The following TASP1 variants were observed in gnomAD, a reference collection of about 807,000 sequenced individuals.
TASP1 encodes taspase 1, also known as threonine aspartase 1.
A neutral mutation model predicts 56.6 loss-of-function variants in TASP1; 16 were observed. The ratio of observed to expected loss-of-function variants is 0.28; its 90% confidence interval spans 0.19 to 0.43. The LOEUF (loss-of-function observed/expected upper bound fraction) is 0.43. Among genes scored for constraint, TASP1 ranks in the 20% least tolerant of loss-of-function variants. The pLI, the probability that TASP1 is intolerant of heterozygous loss-of-function variation, is 1.00. For synonymous variants in TASP1, 179 were observed against 184.2 expected, an observed-to-expected ratio of 0.97 and a Z score of 0.23; for missense variants, 393 against 511.6, an observed-to-expected ratio of 0.77 and a Z score of 2.24.
chr20:13,515,319 A>T (rs1185700798), intron 10 of TASP1, among the ~76,000 whole-genome samples: 2 of 152,096 alleles, frequency 1.3e-5, no homozygotes, highest in Non-Finnish European at 2.9e-5. Flanking sequence ...TTAGCTTTAG[A>T]TGCACCAAAA....
At chr20:13,130,102 C>A in the TASP1 span, among the ~76,000 whole-genome samples, 1 of 152,164 alleles carries the variant, frequency 6.6e-6, no homozygotes, top group Non-Finnish European at 1.5e-5. Context: ...GGTAGTTCTG[C>A]CTGACACATC....
At chr20:13,216,323 G>C in the TASP1 span, among the ~76,000 whole-genome samples, 1 of 152,194 alleles carries the variant, frequency 6.6e-6, no homozygotes, top group Non-Finnish European at 1.5e-5. Context: ...AAAATAGTAA[G>C]TGAAGTCCAT....
At chr20:13,630,191 C>A in intron 1 of TASP1, 39 bp from the exon 2 acceptor site, 1 of 1,116,340 alleles carries the variant, frequency 9.0e-7, no homozygotes, top group East Asian at 2.7e-5. Context: ...CATTTCTTTC[C>A]ACCAACACAT....
the TASP1 span, among the ~76,000 whole-genome samples, chr20:13,336,651 T>C: frequency 3.9e-4 from 59 of 152,352 alleles, no homozygotes; most frequent in Non-Finnish European, 6.3e-4. Context: ...TTTTTTCCTG[T>C]TCTTTGTAAA....
chr20:13,422,998 C>T (rs932092225), intron 12 of TASP1, among the ~76,000 whole-genome samples: 4 of 152,116 alleles, frequency 2.6e-5, no homozygotes, highest in African/African-American at 9.7e-5. Flanking sequence ...CACTCTTTGA[C>T]CTAGCAATTC....
At chr20:13,392,939 A>T in intron 13 of TASP1, 2 of 620,646 alleles carry the variant, frequency 3.2e-6, no homozygotes, top group Non-Finnish European at 6.1e-6. Flanking sequence ...AAATGGGGCC[A>T]TGCTGGTGCT....
intron 4 of TASP1, among the ~76,000 whole-genome samples, chr20:13,618,247 TA>T (rs945515007): frequency 1.3e-5 from 2 of 151,782 alleles, no homozygotes; most frequent in African/African-American, 4.8e-5. Context: ...CCATCTCTAC[TA>T]AAAACACAAA....
the TASP1 span, among the ~76,000 whole-genome samples, chr20:13,123,008 G>A: frequency 6.6e-6 from 1 of 152,092 alleles, no homozygotes; most frequent in African/African-American, 2.4e-5. Context: ...CATGCTCCCA[G>A]TTCTAAGAAT....
At chr20:13,508,368 C>A (rs936495865) in intron 10 of TASP1, among the ~76,000 whole-genome samples, 1 of 151,990 alleles carries the variant, frequency 6.6e-6, no homozygotes, top group East Asian at 1.9e-4. Context: ...ATACCTAACC[C>A]AAAAATCTAA....
chr20:13,536,032 T>C (rs2045405004), intron 8 of TASP1, among the ~76,000 whole-genome samples: 1 of 152,224 alleles, frequency 6.6e-6, no homozygotes, highest in Non-Finnish European at 1.5e-5. Flanking sequence ...TGTTTTATAA[T>C]GCTAATAAAT....
At chr20:13,635,185 C>CGAAAAAAAA (rs1462169149) in intron 1 of TASP1, among the ~76,000 whole-genome samples, 1 of 151,366 alleles carries the variant, frequency 6.6e-6, no homozygotes, top group Non-Finnish European at 1.5e-5. Context: ...TTAAGCTGTT[C>CGAAAAAAAA]GAAAAAAAAG....
chr20:13,527,391 A>G (rs2045023886), intron 10 of TASP1, among the ~76,000 whole-genome samples: 1 of 152,152 alleles, frequency 6.6e-6, no homozygotes, highest in Non-Finnish European at 1.5e-5. Flanking sequence ...CTCCCGATAA[A>G]GTCTGATGCT....
chr20:13,394,393 G>A (rs1205765494), intron 13 of TASP1, among the ~76,000 whole-genome samples: 4 of 150,748 alleles, frequency 2.7e-5, no homozygotes, highest in Admixed American at 6.6e-5. Context: ...GGCGGATCAC[G>A]AGGTCAGGAG....
chr20:13,498,058 A>G (rs1392999864), intron 10 of TASP1, among the ~76,000 whole-genome samples: 8 of 152,162 alleles, frequency 5.3e-5, no homozygotes, highest in Admixed American at 5.2e-4. Context: ...CAGCCTTGGC[A>G]AAGAATATAT....
chr20:13,198,073 T>C, the TASP1 span, among the ~76,000 whole-genome samples: 194 of 152,286 alleles, frequency 1.3e-3, 1 homozygote, highest in Non-Finnish European at 3.7e-4. Flanking sequence ...CCAGTCTTTG[T>C]CAAATGCCTG....
the TASP1 span, among the ~76,000 whole-genome samples, chr20:13,315,580 T>C: frequency 6.6e-6 from 1 of 152,012 alleles, no homozygotes; most frequent in Non-Finnish European, 1.5e-5. Flanking sequence ...GAATCCATTA[T>C]CATAGTTACA....
At chr20:13,329,298 G>A in the TASP1 span, among the ~76,000 whole-genome samples, 1 of 152,184 alleles carries the variant, frequency 6.6e-6, no homozygotes, top group African/African-American at 2.4e-5. Flanking sequence ...TTAGAATGGT[G>A]TAATGCAATA....
intron 4 of TASP1, among the ~76,000 whole-genome samples, chr20:13,588,314 A>AAG (rs1568618395): frequency 4.3e-4 from 48 of 112,346 alleles, no homozygotes; most frequent in African/African-American, 1.4e-3. Context: ...AGGAAGAGAA[A>AAG]GAAAAGGAAG....
chr20:13,155,821 G>A, the TASP1 span, among the ~76,000 whole-genome samples: 1,205 of 152,152 alleles, frequency 7.9e-3, 41 homozygotes, highest in Admixed American at 0.064. Context: ...GCAAGACTCC[G>A]TCTAAAAAAA....
Sources: gnomAD v4.1 joint callset for allele counts (sites outside exome capture counted in the v4.1 genomes callset) on GRCh38, gnomAD v4.1.1 for gene constraint, MANE v1.5 for transcripts, NCBI Gene and HGNC (gene_info 2026-07-23, HGNC 2026-07-21) for gene names.